Variants in DOP1B observed in about 807,000 individuals in gnomAD.
DOP1B encodes the protein DOP1 leucine zipper like protein B.
Under a neutral mutation model 233.5 loss-of-function variants are expected in DOP1B, and 174 were observed. That is an observed-to-expected ratio of 0.75 (90% confidence interval 0.66 to 0.85). The LOEUF (loss-of-function observed/expected upper bound fraction) is 0.85, where lower values mean the gene tolerates loss of function less well. Among genes scored for constraint, DOP1B ranks in the 40% least tolerant of loss-of-function variants. The pLI is 0.00. For synonymous variants in DOP1B, 1,190 were observed against 1,185.6 expected (o/e 1.00, Z -0.08); for missense variants, 2,652 against 2,846.6 (o/e 0.93, Z 1.56).
rs372487233 is a variant in DOP1B, at chr21:36,246,199, G to A, written c.4219G>A (p.Ala1407Thr). Residue 1407 changes from alanine to threonine, a missense_variant, in exon 19 of 37, where the codon GCC becomes ACC. This residue lies in a region of DOP1B where 2,617 missense variants were observed against 2,794.3 expected (regional missense o/e 0.94). Coordinates refer to ENST00000691173, the MANE Select transcript of DOP1B (RefSeq NM_001320714.2). This position sits in a 1 kb window ranked among gnomAD's most constrained non-coding sequence, Gnocchi z 5.1. ...TSQKRYGLATAHHGRALPEDS... is the reference protein window; with the variant it reads ...TSQKRYGLATTHHGRALPEDS... The stretch of plus-strand genomic sequence containing the variant: ...CCAGAAGCGCTACGGGCTGGCCACC[G>A]CCCACCACGGCAGGGCCCTGCCAGA... 5.0e-6 allele frequency: 8 copies of A among 1,613,708 alleles called. No homozygotes were observed. The highest frequency in any genetic ancestry group is 1.6e-4 in the Middle Eastern group (1 of 6,062).
chr21:36,218,981 C>T (rs2066593317), intron 9 of DOP1B, among the ~76,000 whole-genome samples: 1 of 152,208 alleles, frequency 6.6e-6, no homozygotes, highest in African/African-American at 2.4e-5. Context: ...GCACACTTAA[C>T]ACACGTAGTC....
rs770443585 is a variant in DOP1B at position 36,247,653 on chromosome 21, C to A, written c.4809+25C>A. The stretch of plus-strand genomic sequence containing the variant: ...GGTAAATTTTTTTTTTTCCTGAGTT[C>A]AAGGCAATTTTCATGTATTGTTTTG... On this transcript the variant is annotated intron_variant, in intron 20 of 36. Coordinates refer to ENST00000691173, the MANE Select transcript of DOP1B (RefSeq NM_001320714.2). The A allele has an allele frequency of 3.3e-6, 5 of 1,505,172 alleles. No individual in the cohort carries two copies. The South Asian group carries it at 3.6e-5, about 11-fold the overall frequency. 93.2% of individuals were successfully genotyped at this position (1,505,172 alleles called of 1,614,324 possible). A position where few individuals can be genotyped will look rare whatever the true frequency, so the allele number is the denominator to read the frequency against.
At chr21:36,169,081 G>T in intron 2 of DOP1B, 1 of 867,868 alleles carries the variant, frequency 1.2e-6, no homozygotes, top group Non-Finnish European at 1.9e-6. Context: ...TGGTGTCAGT[G>T]AACTTAAGGT....
At chr21:36,240,348 T>C (rs1277517206) in intron 18 of DOP1B, among the ~76,000 whole-genome samples, 2 of 151,992 alleles carry the variant, frequency 1.3e-5, no homozygotes, top group Admixed American at 6.6e-5. Flanking sequence ...GGCGTGGTGG[T>C]ACATGCCTGT....
intron 2 of DOP1B, chr21:36,170,150 G>T: frequency 2.0e-6 from 1 of 507,282 alleles, no homozygotes. Flanking sequence ...AGGGACCCAT[G>T]TCTGGGAGTG....
chr21:36,233,198 T>G, intron 15 of DOP1B, 123 bp downstream of exon 15: 1 of 1,269,710 alleles, frequency 7.9e-7, no homozygotes, highest in Admixed American at 2.6e-5. Flanking sequence ...TATAGGGCAC[T>G]GGGCAGAGGC....
intron 34 of DOP1B, 21 bp downstream of exon 34, chr21:36,288,832 A>C: frequency 6.3e-7 from 1 of 1,593,184 alleles, no homozygotes; most frequent in Non-Finnish European, 8.6e-7. Context: ...CAAGATCTGT[A>C]CACAAGAGGA....
intron 24 of DOP1B, chr21:36,261,160 T>A: frequency 2.2e-6 from 2 of 922,782 alleles, no homozygotes; most frequent in Non-Finnish European, 2.6e-6. Context: ...AGGCCAGGAG[T>A]TTGAGACCAG....
At chr21:36,274,385 A>T in intron 27 of DOP1B, among the ~76,000 whole-genome samples, 1 of 152,226 alleles carries the variant, frequency 6.6e-6, no homozygotes, top group Admixed American at 6.5e-5. Flanking sequence ...GCCAAGGATG[A>T]CAGGTTTTTG....
chr21:36,271,593 T>C (rs2067290242), intron 27 of DOP1B, among the ~76,000 whole-genome samples: 2 of 151,682 alleles, frequency 1.3e-5, no homozygotes, highest in African/African-American at 4.9e-5. Flanking sequence ...TTTGTATCCA[T>C]AGCCAGATGA....
intron 32 of DOP1B, 101 bp downstream of exon 32, chr21:36,281,712 C>A: frequency 9.0e-7 from 1 of 1,117,068 alleles, no homozygotes; most frequent in Non-Finnish European, 1.2e-6. Context: ...GTTCTGGAGG[C>A]TGAGAAGTCC....
At chr21:36,220,434 A>T (rs1235170698) in intron 10 of DOP1B, among the ~76,000 whole-genome samples, 1 of 152,194 alleles carries the variant, frequency 6.6e-6, no homozygotes, top group African/African-American at 2.4e-5. Context: ...AAATACATAG[A>T]TGCCTGTCTT....
Position 36,221,329 on chromosome 21 carries a change from CA to C in DOP1B, c.1250+1845del, listed in dbSNP as rs548534960. 2.6e-3 allele frequency among the ~76,000 whole-genome samples: 388 copies of C among 151,142 alleles called. 1 individual carries two copies. Among genetic ancestry groups the C allele is most frequent in the African/African-American group, 8.9e-3 (368 of 41,274 alleles). On this transcript the variant is annotated intron_variant, in intron 10 of 36. Transcript: ENST00000691173. ...CCAACATGACAAAACCTGGTCTCTA[CA>C]AAAAAAATACAAAGGTTAGCCGGGT...
intron 2 of DOP1B, among the ~76,000 whole-genome samples, chr21:36,168,538 GT>G (rs57031913): frequency 5.8e-4 from 85 of 145,326 alleles, no homozygotes; most frequent in Non-Finnish European, 5.8e-4. Flanking sequence ...TTATTTTCAA[GT>G]TTTTTTTTTT....
At chr21:36,238,272 C>T (rs761724217) in intron 16 of DOP1B, among the ~76,000 whole-genome samples, 2 of 152,166 alleles carry the variant, frequency 1.3e-5, no homozygotes, top group African/African-American at 2.4e-5. Flanking sequence ...TGTGTCTCCT[C>T]GTTCTTTAAG....
chr21:36,169,188 TA>T, intron 2 of DOP1B: 2 of 1,038,752 alleles, frequency 1.9e-6, no homozygotes, highest in Non-Finnish European at 1.5e-6. Flanking sequence ...CCTTTCAGCA[TA>T]ACAGAGTTAT....
At chr21:36,197,906 G>A (rs2066310530) in intron 2 of DOP1B, among the ~76,000 whole-genome samples, 3 of 151,942 alleles carry the variant, frequency 2.0e-5, no homozygotes, top group Admixed American at 6.6e-5. Context: ...AGCTACTCAG[G>A]AGGCTGAGGA....
At chr21:36,164,957 T>A (rs2065895188) in intron 2 of DOP1B, 86 bp downstream of exon 2, 1 of 1,182,702 alleles carries the variant, frequency 8.5e-7, no homozygotes, top group South Asian at 3.1e-5. Context: ...ATGATTATAT[T>A]ATTTGTATTT....
Position 36,231,128 on chromosome 21 carries a change from C to G in DOP1B, c.2344C>G (p.Leu782Val), listed in dbSNP as rs141956049. 8.9e-4 allele frequency: 1,409 copies of G among 1,577,020 alleles called. 4 individuals carry two copies. In the East Asian group the frequency reaches 0.012, roughly 14 times the overall value. Residue 782 changes from leucine to valine, a missense_variant, in exon 14 of 37, where the codon CTG becomes GTG. Around this residue, in one of 3 missense-constraint regions of DOP1B, gnomAD observed 2,617 missense variants for 2,794.3 expected, o/e 0.94. Coordinates refer to ENST00000691173, the MANE Select transcript of DOP1B (RefSeq NM_001320714.2). Reference sequence around the variant, plus strand: ...GCAGCTCTGTGCAACGCTCTTCCAGCTGCCAGGTGAGAGGCAGCCCTGCCG... The same window carrying G: ...GCAGCTCTGTGCAACGCTCTTCCAGGTGCCAGGTGAGAGGCAGCCCTGCCG... ...TEQLCATLFQ[L>V]PGAGDSSFPS...
Sources: gnomAD v4.1 joint callset for allele counts (sites outside exome capture counted in the v4.1 genomes callset) on GRCh38, gnomAD v4.1.1 for gene constraint, gnomAD v4.1.1 regional missense constraint, Gnocchi (gnomAD v3.1) non-coding constraint, MANE v1.5 for transcripts, NCBI Gene and HGNC (gene_info 2026-07-23, HGNC 2026-07-21) for gene names.